Variants in DNAH8 observed in about 807,000 individuals in gnomAD.
The protein encoded by DNAH8 is dynein axonemal heavy chain 8.
DNAH8 carries 382 observed loss-of-function variants against 562.1 expected under a neutral mutation model. That is an observed-to-expected ratio of 0.68 (90% CI 0.63 to 0.74). The LOEUF (loss-of-function observed/expected upper bound fraction) is 0.74. Ranked by LOEUF, DNAH8 falls within the 30% of genes least tolerant of loss-of-function variation. The pLI, the probability that DNAH8 is intolerant of heterozygous loss-of-function variation, is 0.00. For synonymous variants in DNAH8, 1,881 were observed against 1,919.4 expected (o/e 0.98, Z 0.52); for missense variants, 5,203 against 5,620.4 (o/e 0.93, Z 2.37).
chr6:38,746,542 T>A (rs1328813700), intron 8 of DNAH8, among the ~76,000 whole-genome samples: 1 of 151,440 alleles, frequency 6.6e-6, no homozygotes, highest in Admixed American at 6.5e-5. Context: ...AATGGAATCA[T>A]TTATAATGAA....
chr6:38,901,122 A>G (rs916794799), intron 62 of DNAH8, among the ~76,000 whole-genome samples: 2 of 151,972 alleles, frequency 1.3e-5, no homozygotes, highest in Non-Finnish European at 1.5e-5. Flanking sequence ...TTTGGATATA[A>G]AGGGTGTATA....
chr6:38,732,577 A>G (rs989281967), intron 4 of DNAH8, among the ~76,000 whole-genome samples: 1 of 152,128 alleles, frequency 6.6e-6, no homozygotes, highest in Non-Finnish European at 1.5e-5. Flanking sequence ...CAAAATTTAG[A>G]ACTAGTTGAA....
chr6:38,757,481 C>CT (rs1265275511), intron 10 of DNAH8, among the ~76,000 whole-genome samples: 1 of 152,040 alleles, frequency 6.6e-6, no homozygotes, highest in Non-Finnish European at 1.5e-5. Context: ...TGCCTGTTCA[C>CT]TCTGATGGTA....
intron 48 of DNAH8, among the ~76,000 whole-genome samples, chr6:38,869,793 ATAAAG>A (rs1777326388): frequency 6.6e-6 from 1 of 152,240 alleles, no homozygotes; most frequent in African/African-American, 2.4e-5. Flanking sequence ...GATTCATGTG[ATAAAG>A]TAATGAGGTC....
At chr6:38,972,297 A>C (rs1314817271) in intron 83 of DNAH8, among the ~76,000 whole-genome samples, 1 of 152,186 alleles carries the variant, frequency 6.6e-6, no homozygotes, top group Non-Finnish European at 1.5e-5. Flanking sequence ...TGATCTCAGA[A>C]TGTCTGTACA....
chr6:38,932,527 G>A (rs1057188766), intron 76 of DNAH8, among the ~76,000 whole-genome samples: 1 of 152,060 alleles, frequency 6.6e-6, no homozygotes, highest in Non-Finnish European at 1.5e-5. Context: ...ACTGATACAA[G>A]ATTAAACTAA....
At chr6:39,002,803 C>T (rs980304186) in intron 88 of DNAH8, among the ~76,000 whole-genome samples, 1 of 152,154 alleles carries the variant, frequency 6.6e-6, no homozygotes, top group Admixed American at 6.5e-5. Flanking sequence ...AGCTAATATT[C>T]CAACTCTGGA....
rs980200490 is a variant in DNAH8 at position 39,009,329 on chromosome 6, A to G, written c.13371+359A>G. Among the ~76,000 whole-genome samples, 49 of 152,006 alleles carry G rather than the reference A, an allele frequency of 3.2e-4. 1 individual carries two copies. Among genetic ancestry groups the G allele is most frequent in the Non-Finnish European group, 5.9e-5 (4 of 67,976 alleles). On this transcript the variant is annotated intron_variant, in intron 89 of 92. Coordinates refer to ENST00000327475, the MANE Select transcript of DNAH8 (RefSeq NM_001206927.2). ...AAAAAAAAAAAACTCAAAAATCTTTAAGGCCAAAAAGCAATGGTGTTGGTC... is the reference window on the plus strand; with the variant it reads ...AAAAAAAAAAAACTCAAAAATCTTTGAGGCCAAAAAGCAATGGTGTTGGTC...
rs1211740877 is a variant in DNAH8, at chr6:38,781,241, T to G, written c.2140-13T>G. The G allele has an allele frequency of 6.2e-7, 1 of 1,613,358 alleles. No homozygotes were observed. Among genetic ancestry groups the G allele is most frequent in the Non-Finnish European group, 8.5e-7 (1 of 1,179,726 alleles). ...ATTGAATTCAAACATTAACATCAGATTTTTAATTACAGCTTTATCATTCTC... is the reference window on the plus strand; with the variant it reads ...ATTGAATTCAAACATTAACATCAGAGTTTTAATTACAGCTTTATCATTCTC... On this transcript the variant is annotated splice_polypyrimidine_tract_variant and intron_variant, in intron 15 of 92. Transcript: ENST00000327475.
At chr6:38,759,149 T>A (rs554965700) in intron 10 of DNAH8, among the ~76,000 whole-genome samples, 60 of 151,738 alleles carry the variant, frequency 4.0e-4, no homozygotes, top group Middle Eastern at 3.4e-3. Context: ...CAAAAAAAAA[T>A]TTTTTTAAGT....
At chr6:38,791,741 C>T (rs1250952517) in intron 21 of DNAH8, 67 bp downstream of exon 21, 2 of 1,536,096 alleles carry the variant, frequency 1.3e-6, no homozygotes, top group African/African-American at 1.4e-5. Flanking sequence ...TGTGAAATTT[C>T]AGTCTAAAAG....
intron 82 of DNAH8, among the ~76,000 whole-genome samples, chr6:38,966,829 A>T (rs1762999681): frequency 6.6e-6 from 1 of 152,210 alleles, no homozygotes; most frequent in African/African-American, 2.4e-5. Flanking sequence ...TATTTCTGAT[A>T]GTTCTGGAGG....
At chr6:38,717,867 A>T (rs73416351) in intron 1 of DNAH8, among the ~76,000 whole-genome samples, 17,056 of 152,124 alleles carry the variant, frequency 0.11, 1,550 homozygotes, top group African/African-American at 0.25. Context: ...GCATAAAGAA[A>T]AAAATGCTGA....
chr6:38,968,789 C>T (rs963408637), intron 82 of DNAH8, among the ~76,000 whole-genome samples: 1 of 152,044 alleles, frequency 6.6e-6, no homozygotes, highest in Non-Finnish European at 1.5e-5. Flanking sequence ...TAAGTATATA[C>T]CCCCAAAAAA....
At chr6:38,982,278 T>C in intron 85 of DNAH8, 68 bp from the exon 86 acceptor site, 1 of 687,988 alleles carries the variant, frequency 1.5e-6, no homozygotes. Flanking sequence ...TTAATTTTAC[T>C]GTATTTTGAT....
At position 38,996,688 on chromosome 6, in the gene DNAH8, G is replaced by A. The variant is rs112157833; in HGVS notation, c.13214+6516G>A. ...AGTGAAGCTGCAGGACAGGTCTCAA[G>A]GGGGGACTGATAGGACTTAGCGAAT... is the stretch of plus-strand genomic sequence containing the variant. On this transcript the variant is annotated intron_variant, in intron 88 of 92. Coordinates refer to ENST00000327475, the MANE Select transcript of DNAH8 (RefSeq NM_001206927.2). 3.5e-3 allele frequency among the ~76,000 whole-genome samples: 305 copies of A among 86,536 alleles called. 1 individual carries two copies. The highest frequency in any genetic ancestry group is 0.011 in the African/African-American group (287 of 25,624). 56.8% of individuals were successfully genotyped at this position (86,536 alleles called of 152,430 possible). A position where few individuals can be genotyped will look rare whatever the true frequency, so the allele number is the denominator to read the frequency against.
chr6:38,974,633 C>T, intron 85 of DNAH8, 104 bp downstream of exon 85: 1 of 865,724 alleles, frequency 1.2e-6, no homozygotes. Context: ...CGCTCTGTCT[C>T]CTTACTCTCT....
intron 86 of DNAH8, among the ~76,000 whole-genome samples, chr6:38,983,672 A>G (rs925806798): frequency 6.6e-6 from 1 of 152,256 alleles, no homozygotes; most frequent in Non-Finnish European, 1.5e-5. Flanking sequence ...TAAAATTGCT[A>G]TAGAAATTAA....
intron 64 of DNAH8, among the ~76,000 whole-genome samples, chr6:38,908,628 C>G (rs907936597): frequency 1.3e-5 from 2 of 152,188 alleles, no homozygotes; most frequent in Non-Finnish European, 2.9e-5. Flanking sequence ...TCATGGCTCA[C>G]TGCAGCATCA....
Sources: gnomAD v4.1 joint callset for allele counts (sites outside exome capture counted in the v4.1 genomes callset) on GRCh38, gnomAD v4.1.1 for gene constraint, MANE v1.5 for transcripts, NCBI Gene and HGNC (gene_info 2026-07-23, HGNC 2026-07-21) for gene names.